Variants in XKR6 observed in about 807,000 individuals in gnomAD.
XKR6 encodes XK related 6.
In XKR6, 22 loss-of-function variants were observed where a neutral mutation model predicts 56.7. The ratio of observed to expected loss-of-function variants is 0.39; its 90% CI spans 0.28 to 0.55. The LOEUF (loss-of-function observed/expected upper bound fraction) is 0.55. Among genes scored for constraint, XKR6 ranks in the 20% least tolerant of loss-of-function variants. XKR6 has a pLI of 0.66. For missense variants in XKR6, 852 were observed against 889.0 expected, an observed-to-expected ratio of 0.96 and a Z score of 0.53; for synonymous variants, 524 against 387.8, an observed-to-expected ratio of 1.35 and a Z score of -4.13.
At chr8:10,955,656 G>A (rs1183463974) in intron 1 of XKR6, among the ~76,000 whole-genome samples, 1 of 152,174 alleles carries the variant, frequency 6.6e-6, no homozygotes, top group Non-Finnish European at 1.5e-5. Flanking sequence ...AGCAGAGCTG[G>A]GAGGTGAACC....
At chr8:11,181,082 A>T (rs1161513177) in intron 1 of XKR6, among the ~76,000 whole-genome samples, 1 of 152,228 alleles carries the variant, frequency 6.6e-6, no homozygotes, top group Non-Finnish European at 1.5e-5. Context: ...AAGGTCTTTG[A>T]CCTGAGAGTA....
At chr8:11,139,163 G>A (rs1230940872) in intron 1 of XKR6, among the ~76,000 whole-genome samples, 2 of 151,942 alleles carry the variant, frequency 1.3e-5, no homozygotes, top group African/African-American at 4.8e-5. Flanking sequence ...CCACAACAAG[G>A]GTGTTATTTT....
At chr8:10,945,627 C>G (rs1479049078) in intron 1 of XKR6, among the ~76,000 whole-genome samples, 1 of 152,214 alleles carries the variant, frequency 6.6e-6, no homozygotes, top group Non-Finnish European at 1.5e-5. Context: ...CTTTATATCT[C>G]TGATATGAGG....
At chr8:11,114,771 GTGTA>G (rs1290355879) in intron 1 of XKR6, among the ~76,000 whole-genome samples, 7 of 81,298 alleles carry the variant, frequency 8.6e-5, no homozygotes, top group Non-Finnish European at 1.1e-4. Flanking sequence ...GTGTGTGTGT[GTGTA>G]TGTGCCAGGG....
At chr8:10,995,479 C>A (rs562092068) in intron 1 of XKR6, among the ~76,000 whole-genome samples, 117 of 142,662 alleles carry the variant, frequency 8.2e-4, no homozygotes, top group African/African-American at 3.0e-3. Context: ...ATATAAAACC[C>A]TATATCATAT....
At chr8:11,053,039 G>A (rs952533059) in intron 1 of XKR6, among the ~76,000 whole-genome samples, 11 of 152,188 alleles carry the variant, frequency 7.2e-5, no homozygotes, top group Non-Finnish European at 1.3e-4. Flanking sequence ...GGGAGGGGCT[G>A]AAGCCCAGCT....
intron 1 of XKR6, among the ~76,000 whole-genome samples, chr8:10,968,376 C>G (rs1802296089): frequency 6.6e-6 from 1 of 152,250 alleles, no homozygotes; most frequent in African/African-American, 2.4e-5. Flanking sequence ...GAATGTGTGT[C>G]TCTTTCCCTT....
intron 2 of XKR6, among the ~76,000 whole-genome samples, chr8:10,917,228 A>G (rs1800587699): frequency 6.6e-6 from 1 of 152,186 alleles, no homozygotes; most frequent in South Asian, 2.1e-4. Flanking sequence ...GGCAAGAAGT[A>G]TAGGAGGCTT....
chr8:11,198,806 C>T (rs1327174646), intron 1 of XKR6, among the ~76,000 whole-genome samples: 1 of 152,110 alleles, frequency 6.6e-6, no homozygotes, highest in African/African-American at 2.4e-5. Flanking sequence ...CCTACCAGTA[C>T]ATGCTGCTGA....
In XKR6 at chr8:11,200,554, C is replaced by A; in HGVS notation, c.764+22G>T. 1 of 1,443,016 alleles carries A rather than the reference C, an allele frequency of 6.9e-7. No homozygotes were observed. Among genetic ancestry groups the A allele is most frequent in the Non-Finnish European group, 9.0e-7 (1 of 1,107,404 alleles). The allele number at this position is 1,443,016 out of a possible 1,614,324, so 89.4% of individuals were successfully genotyped here. On this transcript the variant is annotated intron_variant, in intron 1 of 2. Transcript: ENST00000416569. The surrounding 1 kb of genome is among the most constrained non-coding windows in gnomAD (Gnocchi z 6.4). Reference sequence around the variant, plus strand: ...GGGGGGCTCCTCAGGGCCGGCCCGCCCCCACCCCGCAGTGCTCTTACCTCC... The same window carrying A: ...GGGGGGCTCCTCAGGGCCGGCCCGCACCCACCCCGCAGTGCTCTTACCTCC...
intron 2 of XKR6, among the ~76,000 whole-genome samples, chr8:10,912,553 T>A (rs1586296679): frequency 2.2e-5 from 3 of 137,064 alleles, no homozygotes; most frequent in African/African-American, 5.7e-5. Flanking sequence ...AGAGAGAGGG[T>A]GTGTGTGTAT....
At chr8:11,179,539 A>C (rs1307687429) in intron 1 of XKR6, among the ~76,000 whole-genome samples, 1 of 152,158 alleles carries the variant, frequency 6.6e-6, no homozygotes, top group Non-Finnish European at 1.5e-5. Context: ...CTTTATAGTT[A>C]CATAGCCTTG....
intron 1 of XKR6, among the ~76,000 whole-genome samples, chr8:11,000,958 T>G (rs1798224685): frequency 6.6e-6 from 1 of 152,210 alleles, no homozygotes; most frequent in Non-Finnish European, 1.5e-5. Context: ...CCTTTGCTTT[T>G]CTGGCAGCCA....
At chr8:11,062,095 A>G (rs1188088793) in intron 1 of XKR6, among the ~76,000 whole-genome samples, 1 of 152,188 alleles carries the variant, frequency 6.6e-6, no homozygotes, top group Non-Finnish European at 1.5e-5. Context: ...TGCTCAGAGA[A>G]ACCAGACCTG....
intron 1 of XKR6, among the ~76,000 whole-genome samples, chr8:10,973,269 G>GA: frequency 6.6e-6 from 1 of 152,330 alleles, no homozygotes; most frequent in East Asian, 1.9e-4. Context: ...GTTGGACAGA[G>GA]AGAAAATGCC....
chr8:10,909,338 C>T (rs895807084), intron 2 of XKR6, among the ~76,000 whole-genome samples: 12 of 152,248 alleles, frequency 7.9e-5, no homozygotes, highest in African/African-American at 2.4e-4. Flanking sequence ...ATAAATTACC[C>T]AGTCTGTTGT....
At chr8:11,137,747 T>G in intron 1 of XKR6, 1 of 455,680 alleles carries the variant, frequency 2.2e-6, no homozygotes, top group Non-Finnish European at 4.4e-6. Context: ...TGGCTCTGAA[T>G]CGAATCCTGC....
At chr8:11,089,148 T>C (rs1428931321) in intron 1 of XKR6, among the ~76,000 whole-genome samples, 3 of 151,580 alleles carry the variant, frequency 2.0e-5, no homozygotes, top group Non-Finnish European at 4.4e-5. Context: ...AGCATAAAGC[T>C]AGAATGAAAC....
intron 2 of XKR6, among the ~76,000 whole-genome samples, chr8:10,910,486 G>C (rs1800319925): frequency 6.6e-6 from 1 of 152,138 alleles, no homozygotes; most frequent in African/African-American, 2.4e-5. Flanking sequence ...AGTTCCTAAA[G>C]AAAGAGCCAC....
Sources: allele counts gnomAD v4.1 joint callset (sites outside exome capture counted in the v4.1 genomes callset), GRCh38; gene constraint gnomAD v4.1.1; non-coding constraint Gnocchi (gnomAD v3.1); transcripts MANE v1.5; gene names NCBI Gene and HGNC (gene_info 2026-07-23, HGNC 2026-07-21).